Variants in GPALPP1 observed in about 807,000 individuals in gnomAD.
The protein encoded by GPALPP1 is GPALPP motifs-containing protein 1.
In GPALPP1, 30 loss-of-function variants were observed where a neutral mutation model predicts 38.9. The observed-to-expected ratio is 0.77, with a 90% confidence interval of 0.58 to 1.05. The LOEUF (loss-of-function observed/expected upper bound fraction) is 1.05. GPALPP1 is among the 50% of genes least tolerant of loss of function. GPALPP1 has a pLI of 0.00. For missense variants in GPALPP1, 384 were observed against 408.8 expected (o/e 0.94, Z 0.52); for synonymous variants, 120 against 139.2 (o/e 0.86, Z 0.97).
intron 1 of GPALPP1, among the ~76,000 whole-genome samples, chr13:44,991,741 C>T (rs1872821104): frequency 6.6e-6 from 1 of 152,214 alleles, no homozygotes; most frequent in African/African-American, 2.4e-5. Context: ...TTATTACCTG[C>T]ATCACCACCC....
At chr13:44,990,101 G>A in intron 1 of GPALPP1, 3 of 443,098 alleles carry the variant, frequency 6.8e-6, no homozygotes, top group Non-Finnish European at 7.9e-6. Flanking sequence ...CCAGTGTCTA[G>A]ATCATACTGC....
chr13:45,009,651 A>C (rs1215774196), intron 4 of GPALPP1, among the ~76,000 whole-genome samples: 1 of 152,214 alleles, frequency 6.6e-6, no homozygotes, highest in Non-Finnish European at 1.5e-5. Flanking sequence ...TATATTCCAG[A>C]GACTCCTGTT....
intron 6 of GPALPP1, among the ~76,000 whole-genome samples, chr13:45,016,028 G>C (rs1874844714): frequency 6.6e-6 from 1 of 151,396 alleles, no homozygotes; most frequent in Admixed American, 6.6e-5. Flanking sequence ...AAAAAACAAA[G>C]CTGCAGATTA....
chr13:45,007,584 C>G (rs1050476299), intron 3 of GPALPP1, among the ~76,000 whole-genome samples: 1 of 152,202 alleles, frequency 6.6e-6, no homozygotes, highest in Admixed American at 6.5e-5. Context: ...TGCCAAACTT[C>G]CCTGTCTTTC....
intron 1 of GPALPP1, 77 bp from the exon 2 acceptor site, chr13:45,004,228 G>T: frequency 8.4e-7 from 1 of 1,184,094 alleles, no homozygotes; most frequent in Non-Finnish European, 1.2e-6. Context: ...TTTCAGAAAA[G>T]AAAGTGAAAA....
chr13:44,989,732 C>T lies in GPALPP1; in HGVS notation c.78C>T (p.Asp26=), dbSNP rs1280010336. Residue 26 remains aspartate, a synonymous_variant, in exon 1 of 8, where the codon GAC becomes GAT. Coordinates refer to ENST00000379151, the MANE Select transcript of GPALPP1 (RefSeq NM_018559.5). Reference sequence around the variant, plus strand: ...GAACAGCGGAGGACGAAGAGCGGGACCCGAGCCCTGGTAAGCGGCGGCGTC... The same window carrying T: ...GAACAGCGGAGGACGAAGAGCGGGATCCGAGCCCTGGTAAGCGGCGGCGTC... ...ARGTAEDEER[D]PSPVAGPALP... is the part of the protein sequence containing the mutation. 6.2e-7 allele frequency: 1 copy of T among 1,608,360 alleles called. No homozygotes were observed. Among genetic ancestry groups the T allele is most frequent in the East Asian group, 2.2e-5 (1 of 44,854 alleles).
rs773684882 is a variant in GPALPP1 at position 45,002,060 on chromosome 13, TTTTG to T, written c.89-2232_89-2229del. 9.2e-5 allele frequency: 14 copies of T among 152,472 alleles called. No individual in the cohort carries two copies. In the East Asian group the frequency reaches 1.2e-3, roughly 13 times the overall value. The allele number at this position is 152,472 out of a possible 1,614,324, so 9.4% of individuals were successfully genotyped here. A position where few individuals can be genotyped will look rare whatever the true frequency, so the allele number is the denominator to read the frequency against. ...GTCTATTGTCCACAAGCTGACAGTT[TTTTG>T]TTTGTTTGTTTGGTAATTCATATCA... On this transcript the variant is annotated intron_variant, in intron 1 of 7. Coordinates refer to ENST00000379151, the MANE Select transcript of GPALPP1 (RefSeq NM_018559.5).
intron 1 of GPALPP1, chr13:44,990,548 A>G (rs891080495): frequency 2.6e-5 from 4 of 152,158 alleles, no homozygotes; most frequent in African/African-American, 9.7e-5. Context: ...ATGGTCTTCT[A>G]CCTGAACACG....
At chr13:45,006,773 G>A (rs533140261) in intron 3 of GPALPP1, among the ~76,000 whole-genome samples, 1 of 152,208 alleles carries the variant, frequency 6.6e-6, no homozygotes, top group African/African-American at 2.4e-5. Flanking sequence ...ATAACAGCAT[G>A]TACTTTACAG....
Position 45,014,963 on chromosome 13 carries a change from C to A in GPALPP1, c.420C>A (p.Ser140Arg). The change falls in exon 5 of 8, where the codon AGC (serine) becomes AGA (arginine). Residue 140 changes from serine (S) to arginine (R), a missense_variant. Physicochemically the swap from Ser to Arg is moderately radical, Grantham distance 110. Coordinates refer to ENST00000379151, the MANE Select transcript of GPALPP1 (RefSeq NM_018559.5). ...RDDPGQQETD[S>R]SEDEDIIGPM... ...TCTTGTTTTAAAAGGAAACAGACAG[C>A]AGTGAAGATGAGGATATTATTGGAC... 3 of 1,591,114 alleles carry A rather than the reference C, an allele frequency of 1.9e-6. No individual in the cohort carries two copies. The highest frequency in any genetic ancestry group is 2.3e-5 in the East Asian group (1 of 44,184).
At chr13:45,018,924 TGTATAA>T (rs1189670504) in intron 6 of GPALPP1, among the ~76,000 whole-genome samples, 6 of 131,682 alleles carry the variant, frequency 4.6e-5, no homozygotes, top group East Asian at 4.7e-4. Context: ...TACATATAAA[TGTATAA>T]ATATATACAT....
chr13:45,015,730 T>C, intron 6 of GPALPP1, 134 bp downstream of exon 6: 1 of 542,038 alleles, frequency 1.8e-6, no homozygotes, highest in Non-Finnish European at 2.9e-6. Flanking sequence ...GATTTTCCTC[T>C]GGAGGAAGAG....
chr13:44,990,612 A>G (rs1232034184), intron 1 of GPALPP1, among the ~76,000 whole-genome samples: 1 of 152,124 alleles, frequency 6.6e-6, no homozygotes, highest in East Asian at 1.9e-4. Flanking sequence ...CGGCATGCAT[A>G]CCTATCTGCT....
intron 1 of GPALPP1, among the ~76,000 whole-genome samples, chr13:44,993,813 CTTT>C (rs71070951): frequency 3.4e-5 from 5 of 146,394 alleles, no homozygotes; most frequent in Admixed American, 6.8e-5. Flanking sequence ...TTCTGTTTGT[CTTT>C]TTTTTTTTTT....
intron 1 of GPALPP1, among the ~76,000 whole-genome samples, chr13:44,997,408 G>A (rs1017841633): frequency 1.3e-5 from 2 of 152,130 alleles, no homozygotes; most frequent in African/African-American, 2.4e-5. Flanking sequence ...TCTCAAGAGC[G>A]ATCCACAGAC....
chr13:45,021,619 G>C (rs1435386301), intron 7 of GPALPP1, among the ~76,000 whole-genome samples: 2 of 150,180 alleles, frequency 1.3e-5, no homozygotes, highest in Non-Finnish European at 2.9e-5. Context: ...GGCAGAGTGA[G>C]ACCTTGTCTC....
Position 45,001,594 on chromosome 13 carries a change from CT to C in GPALPP1, c.89-2701del, listed in dbSNP as rs112345656. On this transcript the variant is annotated intron_variant, in intron 1 of 7. Transcript: ENST00000379151. Reference sequence around the variant, plus strand: ...AAAACCTAAGACCTATCCTTGGTTCCTTTTTTTTTTCTTCTCACCTCTAACA... The same window carrying C: ...AAAACCTAAGACCTATCCTTGGTTCCTTTTTTTTTCTTCTCACCTCTAACA... The C allele has an allele frequency of 8.1e-3, 1,219 of 149,702 alleles. 15 individuals are homozygous for C. Among genetic ancestry groups the C allele is most frequent in the African/African-American group, 0.028 (1,147 of 40,950 alleles). 9.3% of individuals were successfully genotyped at this position (149,702 alleles called of 1,614,324 possible).
At chr13:45,032,467 G>A (rs865829671), downstream of GPALPP1, among the ~76,000 whole-genome samples, 27 of 151,784 alleles carry the variant, frequency 1.8e-4, no homozygotes, top group African/African-American at 6.5e-4. Context: ...GTGCAGTGGC[G>A]TGATCTCGGC....
chr13:45,016,455 A>AAAAAAAAC (rs1005612589), intron 6 of GPALPP1, among the ~76,000 whole-genome samples: 1 of 152,070 alleles, frequency 6.6e-6, no homozygotes, highest in Admixed American at 6.6e-5. Context: ...CTCCATCTCA[A>AAAAAAAAC]AAAAAAACAA....
Sources: allele counts gnomAD v4.1 joint callset (sites outside exome capture counted in the v4.1 genomes callset), GRCh38; gene constraint gnomAD v4.1.1; transcripts MANE v1.5; gene names NCBI Gene and HGNC (gene_info 2026-07-23, HGNC 2026-07-21).